The following DDX10 variants were observed in gnomAD, a reference collection of about 807,000 sequenced individuals.
DDX10 encodes DEAD-box helicase 10.
DDX10 carries 74 observed loss-of-function variants against 104.3 expected under a neutral mutation model. The ratio of observed to expected loss-of-function variants is 0.71; its 90% CI spans 0.59 to 0.86. The LOEUF is 0.86. Among genes scored for constraint, DDX10 ranks in the 40% least tolerant of loss-of-function variants. The pLI, the probability that DDX10 is intolerant of heterozygous loss-of-function variation, is 0.00. For missense variants in DDX10, 952 were observed against 1,040.0 expected (o/e 0.92, Z 1.16); for synonymous variants, 351 against 353.4 (o/e 0.99, Z 0.08).
chr11:108,885,357 C>CT (rs5794610), intron 16 of DDX10, among the ~76,000 whole-genome samples: 19 of 103,104 alleles, frequency 1.8e-4, no homozygotes, highest in African/African-American at 4.0e-4. Flanking sequence ...TTCATTGTCA[C>CT]TTTTTTTTTT....
rs559337234 is a variant in DDX10, at chr11:108,684,128, T to C, written c.848+4568T>C. 3.7e-3 allele frequency among the ~76,000 whole-genome samples: 537 copies of C among 144,014 alleles called. 1 individual carries two copies. Among genetic ancestry groups the C allele is most frequent in the Non-Finnish European group, 6.9e-3 (448 of 65,386 alleles). The allele number at this position is 144,014 out of a possible 152,430, so 94.5% of individuals were successfully genotyped here. On this transcript the variant is annotated intron_variant, in intron 6 of 17. Transcript: ENST00000322536. ...TTTCTGGTGTTCTAAGTTTATCTTA[T>C]CTATTTCCAGTTCTTTTTTTTTTTT... is the stretch of plus-strand genomic sequence containing the variant.
chr11:108,887,948 T>G (rs1234694263), intron 16 of DDX10, among the ~76,000 whole-genome samples: 1 of 73,676 alleles, frequency 1.4e-5, no homozygotes, highest in Non-Finnish European at 3.0e-5. Context: ...AGAAAAGAAA[T>G]ACAGCTTTTT....
chr11:108,744,818 C>G (rs1461442632), intron 13 of DDX10, among the ~76,000 whole-genome samples: 2 of 152,070 alleles, frequency 1.3e-5, no homozygotes, highest in Admixed American at 6.5e-5. Flanking sequence ...TTAATTTGGC[C>G]TAGAACTTTG....
chr11:108,677,076 C>G lies in DDX10; in HGVS notation c.379-9C>G. 2 of 1,596,320 alleles carry G rather than the reference C, an allele frequency of 1.3e-6. No homozygotes were observed. Among genetic ancestry groups the G allele is most frequent in the Non-Finnish European group, 8.6e-7 (1 of 1,168,152 alleles). ...GACTTACTGAACATGAATTTGCTGT[C>G]TTTTTGAGGTGCTGGAAGCCTTATA... On this transcript the variant is annotated splice_polypyrimidine_tract_variant and intron_variant, in intron 3 of 17. Transcript: ENST00000322536.
chr11:108,854,092 A>G (rs1008813425), intron 16 of DDX10, among the ~76,000 whole-genome samples: 2 of 152,178 alleles, frequency 1.3e-5, no homozygotes, highest in East Asian at 1.9e-4. Context: ...TCCTCAAGAC[A>G]CTGAGGACTG....
At chr11:108,689,722 T>C (rs2094249449) in intron 7 of DDX10, among the ~76,000 whole-genome samples, 1 of 152,250 alleles carries the variant, frequency 6.6e-6, no homozygotes, top group Non-Finnish European at 1.5e-5. Flanking sequence ...TTTGTGCATG[T>C]GTGCGTGCGT....
intron 13 of DDX10, among the ~76,000 whole-genome samples, chr11:108,830,670 T>A (rs1424740668): frequency 1.3e-5 from 2 of 152,218 alleles, no homozygotes; most frequent in Non-Finnish European, 2.9e-5. Flanking sequence ...TTTAGTATAA[T>A]GTTAGTTGTG....
At chr11:108,717,028 A>G (rs1487589298) in intron 11 of DDX10, among the ~76,000 whole-genome samples, 2 of 152,114 alleles carry the variant, frequency 1.3e-5, no homozygotes, top group Non-Finnish European at 2.9e-5. Context: ...TTGAATTAAC[A>G]GATATTTGAG....
chr11:108,806,256 C>T (rs1006085350), intron 13 of DDX10, among the ~76,000 whole-genome samples: 1 of 152,160 alleles, frequency 6.6e-6, no homozygotes, highest in Non-Finnish European at 1.5e-5. Context: ...AGCCACCGTG[C>T]CTGGCCTAAA....
chr11:108,714,783 A>G (rs1221159347), intron 10 of DDX10, among the ~76,000 whole-genome samples: 1 of 152,044 alleles, frequency 6.6e-6, no homozygotes, highest in African/African-American at 2.4e-5. Flanking sequence ...CCCTGGCTTG[A>G]TTTGCCTAAA....
intron 16 of DDX10, among the ~76,000 whole-genome samples, chr11:108,911,349 G>A (rs771334378): frequency 1.3e-5 from 2 of 152,102 alleles, no homozygotes; most frequent in Non-Finnish European, 2.9e-5. Context: ...GTTCTAGAAG[G>A]TGGGAAGTCA....
chr11:108,808,334 T>G (rs73556800), intron 13 of DDX10, among the ~76,000 whole-genome samples: 4 of 151,750 alleles, frequency 2.6e-5, no homozygotes, highest in Non-Finnish European at 5.9e-5. Flanking sequence ...CTGAGCAGTT[T>G]AGGATTGATT....
intron 16 of DDX10, among the ~76,000 whole-genome samples, chr11:108,888,872 G>A (rs1406670058): frequency 6.6e-6 from 1 of 152,108 alleles, no homozygotes; most frequent in Non-Finnish European, 1.5e-5. Flanking sequence ...TGCACTACAA[G>A]GTAGTATGAT....
At chr11:108,779,191 A>G (rs574778323) in intron 13 of DDX10, among the ~76,000 whole-genome samples, 2 of 152,326 alleles carry the variant, frequency 1.3e-5, no homozygotes, top group South Asian at 2.1e-4. Flanking sequence ...TACTGGGCAT[A>G]TACCCAAAGG....
At chr11:108,931,619 G>C (rs1242892122) in intron 17 of DDX10, among the ~76,000 whole-genome samples, 2 of 152,156 alleles carry the variant, frequency 1.3e-5, no homozygotes, top group African/African-American at 2.4e-5. Context: ...GTAAAGTTAA[G>C]GGGATAAAAG....
Position 108,897,711 on chromosome 11 carries a change from A to G in DDX10, c.2305-20162A>G, listed in dbSNP as rs553928591. Among the ~76,000 whole-genome samples, 4 of 152,128 alleles carry G rather than the reference A, an allele frequency of 2.6e-5. No homozygotes were observed. The South Asian group carries it at 6.2e-4, about 24-fold the overall frequency. The stretch of plus-strand genomic sequence containing the variant: ...GCTTTTTTTTTTTAAGAGACAGTCT[A>G]AGGCTAGCCATGACACTAATATATG... On this transcript the variant is annotated intron_variant, in intron 16 of 17. Transcript: ENST00000322536.
Position 108,679,577 on chromosome 11 carries a change from T to G in DDX10, c.848+17T>G. The stretch of plus-strand genomic sequence containing the variant: ...AAAATATAGGTATGTACTCTTTGAG[T>G]CAATCAAGATAAATGTTTTTTACTT... On this transcript the variant is annotated intron_variant, in intron 6 of 17. Transcript: ENST00000322536. 1 of 1,523,232 alleles carries G rather than the reference T, an allele frequency of 6.6e-7. No individual in the cohort carries two copies. Among genetic ancestry groups the G allele is most frequent in the South Asian group, 1.3e-5 (1 of 79,792 alleles). The allele number at this position is 1,523,232 out of a possible 1,614,324, so 94.4% of individuals were successfully genotyped here.
chr11:108,741,208 C>A (rs2094324805), intron 13 of DDX10, among the ~76,000 whole-genome samples: 1 of 151,374 alleles, frequency 6.6e-6, no homozygotes, highest in Non-Finnish European at 1.5e-5. Context: ...TTACTGTAGC[C>A]TTGTAGTATA....
intron 16 of DDX10, among the ~76,000 whole-genome samples, chr11:108,872,730 G>A (rs1863098462): frequency 6.6e-6 from 1 of 152,096 alleles, no homozygotes; most frequent in Non-Finnish European, 1.5e-5. Flanking sequence ...GTTTGAATTT[G>A]TGAAAATATT....
Sources: gnomAD v4.1 joint callset for allele counts (sites outside exome capture counted in the v4.1 genomes callset) on GRCh38, gnomAD v4.1.1 for gene constraint, MANE v1.5 for transcripts, NCBI Gene and HGNC (gene_info 2026-07-23, HGNC 2026-07-21) for gene names.